The following RSU1 variants were observed in gnomAD, a reference collection of about 807,000 sequenced individuals.
RSU1 encodes rsu-1.
RSU1 carries 26 observed loss-of-function variants against 31.1 expected under a neutral mutation model. That is an observed-to-expected ratio of 0.84 (90% CI 0.61 to 1.16). RSU1 has a LOEUF of 1.16. Ranked by LOEUF, RSU1 falls within the 50% of genes most tolerant of loss-of-function variation. The pLI is 0.00. For synonymous variants in RSU1, 164 were observed against 136.3 expected (o/e 1.20, Z -1.41); for missense variants, 320 against 339.1 (o/e 0.94, Z 0.44).
chr10:16,697,804 T>G (rs545638862), intron 7 of RSU1, among the ~76,000 whole-genome samples: 1 of 152,220 alleles, frequency 6.6e-6, no homozygotes, highest in Admixed American at 6.5e-5. Context: ...TTCTAGTTAG[T>G]GAGTATTTTC....
At chr10:16,690,635 G>A (rs986360540) in intron 8 of RSU1, among the ~76,000 whole-genome samples, 2 of 152,260 alleles carry the variant, frequency 1.3e-5, no homozygotes, top group East Asian at 3.9e-4. Context: ...GTCTCCTCTT[G>A]GAGTCCATTA....
chr10:16,812,234 G>A (rs1487003605), intron 2 of RSU1, among the ~76,000 whole-genome samples: 5 of 152,302 alleles, frequency 3.3e-5, no homozygotes, highest in African/African-American at 7.2e-5. Context: ...TTGAGGTCAC[G>A]AGTTCAAGAC....
intron 7 of RSU1, chr10:16,727,243 A>C: frequency 2.3e-6 from 1 of 426,208 alleles, no homozygotes; most frequent in South Asian, 1.7e-5. Context: ...ATCTTTTGTT[A>C]TAATTTCACA....
intron 8 of RSU1, among the ~76,000 whole-genome samples, chr10:16,619,695 A>T (rs1174347375): frequency 6.6e-6 from 1 of 152,218 alleles, no homozygotes; most frequent in Non-Finnish European, 1.5e-5. Flanking sequence ...GAATATGGTC[A>T]TTTCTTAGCT....
rs566159487 is a variant in RSU1 at position 16,716,683 on chromosome 10, T to C, written c.599-21528A>G. On this transcript the variant is annotated intron_variant, in intron 7 of 8. Coordinates refer to ENST00000345264, the MANE Select transcript of RSU1 (RefSeq NM_012425.4). Reference sequence around the variant, plus strand: ...ACCACGTATACAAATACACTATTGATAACATTACTTAGAAAAGGAGTCTGA... The same window carrying C: ...ACCACGTATACAAATACACTATTGACAACATTACTTAGAAAAGGAGTCTGA... Among the ~76,000 whole-genome samples, 10 of 152,238 alleles carry C rather than the reference T, an allele frequency of 6.6e-5. No individual in the cohort carries two copies. In the South Asian group the frequency reaches 1.7e-3, roughly 25 times the overall value.
intron 7 of RSU1, among the ~76,000 whole-genome samples, chr10:16,744,324 T>C (rs1185097629): frequency 1.3e-5 from 2 of 152,170 alleles, no homozygotes; most frequent in African/African-American, 2.4e-5. Context: ...CATTATAGTG[T>C]AGGCACACAA....
At chr10:16,725,098 G>A (rs955657363) in intron 7 of RSU1, among the ~76,000 whole-genome samples, 1 of 152,160 alleles carries the variant, frequency 6.6e-6, no homozygotes, top group African/African-American at 2.4e-5. Context: ...AATAGTTGTC[G>A]TGAGTTTTGG....
At chr10:16,605,239 C>A (rs1833782746) in intron 8 of RSU1, among the ~76,000 whole-genome samples, 4 of 152,104 alleles carry the variant, frequency 2.6e-5, no homozygotes, top group Admixed American at 2.6e-4. Flanking sequence ...CATCTTTGCC[C>A]ACACTTTCTA....
chr10:16,638,632 G>C (rs543431437), intron 8 of RSU1, among the ~76,000 whole-genome samples: 2 of 152,192 alleles, frequency 1.3e-5, no homozygotes, highest in Non-Finnish European at 2.9e-5. Context: ...TGGATGCCCA[G>C]AGGCTAGCAT....
At chr10:16,732,713 A>G (rs1428528603) in intron 7 of RSU1, among the ~76,000 whole-genome samples, 1 of 152,248 alleles carries the variant, frequency 6.6e-6, no homozygotes, top group African/African-American at 2.4e-5. Context: ...TTTCTACTGC[A>G]GTGACACCTG....
At chr10:16,650,649 G>C (rs543929133) in intron 8 of RSU1, among the ~76,000 whole-genome samples, 1 of 142,766 alleles carries the variant, frequency 7.0e-6, no homozygotes, top group South Asian at 2.2e-4. Flanking sequence ...GCACAATCTC[G>C]GCTCACTGCA....
intron 8 of RSU1, among the ~76,000 whole-genome samples, chr10:16,616,904 A>G (rs1446595095): frequency 1.3e-5 from 2 of 152,214 alleles, no homozygotes; most frequent in African/African-American, 4.8e-5. Flanking sequence ...AGCCAATATC[A>G]TACTGAACGG....
intron 8 of RSU1, among the ~76,000 whole-genome samples, chr10:16,595,071 C>T (rs1347852492): frequency 6.6e-6 from 1 of 151,740 alleles, no homozygotes; most frequent in Non-Finnish European, 1.5e-5. Flanking sequence ...GCGTGAGCCA[C>T]CATGCCCCAA....
intron 8 of RSU1, among the ~76,000 whole-genome samples, chr10:16,657,974 A>G (rs1418981990): frequency 6.6e-6 from 1 of 150,980 alleles, no homozygotes; most frequent in Non-Finnish European, 1.5e-5. Context: ...TGGGGAACAG[A>G]GCGAGAATCT....
intron 8 of RSU1, among the ~76,000 whole-genome samples, chr10:16,611,421 ATT>A (rs1396738278): frequency 6.6e-6 from 1 of 152,156 alleles, no homozygotes; most frequent in Non-Finnish European, 1.5e-5. Context: ...TTGTTGAGGA[ATT>A]TTTTTCCCAT....
intron 7 of RSU1, among the ~76,000 whole-genome samples, chr10:16,742,069 A>G (rs376020573): frequency 3.9e-5 from 6 of 152,314 alleles, no homozygotes; most frequent in African/African-American, 1.4e-4. Flanking sequence ...AGAAGAGCCG[A>G]TATTTTTAAA....
intron 7 of RSU1, among the ~76,000 whole-genome samples, chr10:16,697,827 T>A (rs1350367774): frequency 6.6e-6 from 1 of 152,096 alleles, no homozygotes; most frequent in African/African-American, 2.4e-5. Context: ...CTAAATATCT[T>A]TCCTTCTTCT....
intron 8 of RSU1, among the ~76,000 whole-genome samples, chr10:16,682,479 T>C (rs1835344438): frequency 6.6e-6 from 1 of 150,846 alleles, no homozygotes; most frequent in Admixed American, 6.6e-5. Context: ...AATTAATCCT[T>C]TATCAGAAAC....
At chr10:16,600,434 C>T (rs539090357) in intron 8 of RSU1, among the ~76,000 whole-genome samples, 13 of 152,200 alleles carry the variant, frequency 8.5e-5, no homozygotes, top group South Asian at 2.1e-4. Flanking sequence ...TGACCACTAC[C>T]GCCTGGACAG....
Sources: allele counts gnomAD v4.1 joint callset (sites outside exome capture counted in the v4.1 genomes callset), GRCh38; gene constraint gnomAD v4.1.1; transcripts MANE v1.5; gene names NCBI Gene and HGNC (gene_info 2026-07-23, HGNC 2026-07-21).